Variants in ADIPOR1 observed in about 807,000 individuals in gnomAD.
ADIPOR1 encodes the protein adiponectin receptor 1.
ADIPOR1 carries 15 observed loss-of-function variants against 37.5 expected under a neutral mutation model. That is an observed-to-expected ratio of 0.40 (90% confidence interval 0.27 to 0.62). ADIPOR1 has a LOEUF of 0.62. Ranked by LOEUF, ADIPOR1 falls within the 20% of genes least tolerant of loss-of-function variation. The pLI, the probability that ADIPOR1 is intolerant of heterozygous loss-of-function variation, is 0.42. For synonymous variants in ADIPOR1, 173 were observed against 173.2 expected, an observed-to-expected ratio of 1.00 and a Z score of 0.01; for missense variants, 286 against 478.0, an observed-to-expected ratio of 0.60 and a Z score of 3.75.
At position 202,945,120 on chromosome 1, in the gene ADIPOR1, AT is replaced by A. The variant is rs1654255233; in HGVS notation, c.479del (p.Asn160IlefsTer56). 1 of 1,613,914 alleles carries A rather than the reference AT, an allele frequency of 6.2e-7. No homozygotes were observed. Among genetic ancestry groups the A allele is most frequent in the Admixed American group, 1.7e-5 (1 of 59,986 alleles). The part of the protein sequence containing the change: ...FLGILTMLRP[N>X]MYFMAPLQEK... ...CCTGTAGAGGGGCCATGAAGTACAT[AT>A]TTGGTCTGAGCATGGTCAAGATTCC... is the stretch of plus-strand genomic sequence containing the variant. On this transcript the variant is annotated frameshift_variant, in exon 5 of 8. Transcript: ENST00000340990. LOFTEE classifies it high-confidence loss of function.
At chr1:202,944,783 G>T in intron 5 of ADIPOR1, 200 bp downstream of exon 5, 1 of 444,050 alleles carries the variant, frequency 2.3e-6, no homozygotes, top group Non-Finnish European at 4.0e-6. Context: ...ATCTGTTGAA[G>T]AGGATGCAGT....
rs1654121055 is a variant in ADIPOR1 at position 202,942,232 on chromosome 1, A to G, written c.806-14T>C. On this transcript the variant is annotated splice_polypyrimidine_tract_variant and intron_variant, in intron 6 of 7. Coordinates refer to ENST00000340990, the MANE Select transcript of ADIPOR1 (RefSeq NM_015999.6). Reference sequence around the variant, plus strand: ...CCAGGAACACGCCTGAACAGAACAGACATAAGACTGTCAAACAAGGAAACA... The same window carrying G: ...CCAGGAACACGCCTGAACAGAACAGGCATAAGACTGTCAAACAAGGAAACA... 5 of 1,582,208 alleles carry G rather than the reference A, an allele frequency of 3.2e-6. No homozygotes were observed. The highest frequency in any genetic ancestry group is 3.4e-6 in the Non-Finnish European group (4 of 1,161,482).
intron 6 of ADIPOR1, 32 bp downstream of exon 6, chr1:202,943,726 C>A (rs768820014): frequency 1.9e-6 from 3 of 1,607,792 alleles, no homozygotes; most frequent in Non-Finnish European, 2.5e-6. Flanking sequence ...GGTCTAAATA[C>A]CTCTGAGGTG....
At chr1:202,949,212 G>A (rs1056106184) in intron 2 of ADIPOR1, among the ~76,000 whole-genome samples, 2 of 152,168 alleles carry the variant, frequency 1.3e-5, no homozygotes, top group South Asian at 2.1e-4. Flanking sequence ...TGTATCTACA[G>A]CAGCTCCCAG....
In ADIPOR1 at chr1:202,946,547, C is replaced by T. The variant is rs749789403; in HGVS notation, c.322G>A (p.Asp108Asn). The change falls in exon 4 of 8, where the codon GAC becomes AAC. Residue 108 changes from aspartate to asparagine, a missense_variant. Asp to Asn is a conservative substitution (Grantham distance 23, BLOSUM62 1). Transcript: ENST00000340990. ...DVLPDWLKDN[D>N]YLLHGHRPPM... ...GGTCTATGACCATGTAGCAGATAGT[C>T]GTTGTCCTTTAGCCAGTCAGGGAGC... The T allele has an allele frequency of 2.5e-6, 4 of 1,614,018 alleles. No individual in the cohort carries two copies. The highest frequency in any genetic ancestry group is 1.1e-5 in the South Asian group (1 of 91,074).
chr1:202,951,569 T>C (rs190816940), intron 1 of ADIPOR1, among the ~76,000 whole-genome samples: 2 of 152,318 alleles, frequency 1.3e-5, no homozygotes, highest in East Asian at 1.9e-4. Context: ...AATAAAAATA[T>C]AAAGCCAACA....
At chr1:202,955,400 T>C (rs1571571070) in intron 1 of ADIPOR1, among the ~76,000 whole-genome samples, 1 of 54,424 alleles carries the variant, frequency 1.8e-5, no homozygotes. Context: ...GCTAATTTTA[T>C]TTTTTTGTAG....
chr1:202,947,234 CAA>C (rs1180406957), intron 3 of ADIPOR1, among the ~76,000 whole-genome samples: 1 of 151,688 alleles, frequency 6.6e-6, no homozygotes, highest in East Asian at 2.0e-4. Flanking sequence ...AAATATGGTC[CAA>C]CCAGGCTGGG....
chr1:202,941,678 A>G lies in ADIPOR1; in HGVS notation c.1023T>C (p.His341=). The G allele has an allele frequency of 6.2e-7, 1 of 1,614,166 alleles. No homozygotes were observed. Among genetic ancestry groups the G allele is most frequent in the Non-Finnish European group, 8.5e-7 (1 of 1,180,012 alleles). ...CAAAGGCTGCTGCCACCACCAGGAC[A>G]TGGAAAATCTGATGAGACTGGAACT... ...DIWFQSHQIF[H]VLVVAAAFVH... is the part of the protein sequence containing the mutation. The change falls in exon 8 of 8, where the codon CAT becomes CAC. Residue 341 remains histidine, a synonymous_variant. Coordinates refer to ENST00000340990, the MANE Select transcript of ADIPOR1 (RefSeq NM_015999.6).
At chr1:202,941,806 T>G (rs1225299002) in intron 7 of ADIPOR1, 105 bp from the exon 8 acceptor site, 1 of 1,419,670 alleles carries the variant, frequency 7.0e-7, no homozygotes, top group Non-Finnish European at 9.5e-7. Context: ...ATTAAACAAA[T>G]TTGTTAATAA....
chr1:202,951,248 T>G, intron 1 of ADIPOR1, 84 bp from the exon 2 acceptor site: 1 of 685,096 alleles, frequency 1.5e-6, no homozygotes, highest in South Asian at 2.2e-5. Flanking sequence ...AATAAGAAGC[T>G]AATCAACTCA....
chr1:202,956,740 T>C lies in ADIPOR1; in HGVS notation c.-95+1445A>G, dbSNP rs978372047. The stretch of plus-strand genomic sequence containing the variant: ...TCCCCAGGGCAGTAAACAATTCATT[T>C]TTCCATAGAGTCCTGGAAAGGTAAA... On this transcript the variant is annotated intron_variant, in intron 1 of 7. Transcript: ENST00000340990. 2.2e-4 allele frequency among the ~76,000 whole-genome samples: 33 copies of C among 152,342 alleles called. No individual in the cohort carries two copies. In the South Asian group the frequency reaches 5.0e-3, roughly 23 times the overall value.
At position 202,950,953 on chromosome 1, in the gene ADIPOR1, G is replaced by T; in HGVS notation, c.118C>A (p.Arg40=). 2 of 1,614,144 alleles carry T rather than the reference G, an allele frequency of 1.2e-6. No homozygotes were observed. The highest frequency in any genetic ancestry group is 1.7e-6 in the Non-Finnish European group (2 of 1,180,024). ...ACTTTGGGTGGGTTGGCGATTACCC[G>T]TTTGCCCTTCTCTTCTAGCAGGGGT... is the stretch of plus-strand genomic sequence containing the variant. ...LGPLLEEKGK[R]VIANPPKAEE... is the part of the protein sequence containing the mutation. The change falls in exon 2 of 8, where the codon CGG becomes AGG. Residue 40 remains arginine (R), a synonymous_variant. Coordinates refer to ENST00000340990, the MANE Select transcript of ADIPOR1 (RefSeq NM_015999.6).
Position 202,941,512 on chromosome 1 carries a change from C to A in ADIPOR1, c.*61G>T. The A allele has an allele frequency of 6.4e-7, 1 of 1,557,252 alleles. No homozygotes were observed. Among genetic ancestry groups the A allele is most frequent in the Admixed American group, 2.0e-5 (1 of 49,000 alleles). ...ACTCAGACTCTTCCTCTCACTTCAG[C>A]AAAGAAGTTATTTTTAAAAGCACTT... is the stretch of plus-strand genomic sequence containing the variant. On this transcript the variant is annotated 3_prime_UTR_variant, in exon 8 of 8. Transcript: ENST00000340990.
Position 202,942,235 on chromosome 1 carries a change from TAA to T in ADIPOR1, c.806-19_806-18del. The stretch of plus-strand genomic sequence containing the variant: ...GGAACACGCCTGAACAGAACAGACA[TAA>T]GACTGTCAAACAAGGAAACAGCCAC... On this transcript the variant is annotated intron_variant, in intron 6 of 7. Transcript: ENST00000340990. 1 of 1,580,900 alleles carries T rather than the reference TAA, an allele frequency of 6.3e-7. No individual in the cohort carries two copies. Among genetic ancestry groups the T allele is most frequent in the Non-Finnish European group, 8.6e-7 (1 of 1,160,554 alleles).
intron 1 of ADIPOR1, among the ~76,000 whole-genome samples, chr1:202,952,420 T>C (rs1028408010): frequency 3.3e-5 from 5 of 152,346 alleles, no homozygotes; most frequent in East Asian, 1.9e-4. Context: ...GGAGACACTA[T>C]ATCATCCATG....
At position 202,958,282 on chromosome 1, in the gene ADIPOR1, C is replaced by T. The variant is rs1225542115; in HGVS notation, c.-192G>A. 2 of 152,250 alleles carry T rather than the reference C, an allele frequency of 1.3e-5. No individual in the cohort carries two copies. Among genetic ancestry groups the T allele is most frequent in the African/African-American group, 4.8e-5 (2 of 41,458 alleles). The allele number at this position is 152,250 out of a possible 1,614,324, so 9.4% of individuals were successfully genotyped here. ...GGCCGAGCGGCCCCGATCTTCAGCG[C>T]CCTCCCCGCGCCGGAAGGGGCGCGC... On this transcript the variant is annotated 5_prime_UTR_variant, in exon 1 of 8. Transcript: ENST00000340990.
intron 2 of ADIPOR1, among the ~76,000 whole-genome samples, chr1:202,949,593 A>AAAAAAAAAAAAAAAAAAAC (rs1332418254): frequency 1.4e-5 from 2 of 138,334 alleles, no homozygotes. Context: ...AAAAAAAAAA[A>AAAAAAAAAAAAAAAAAAAC]AAAACACACC....
intron 6 of ADIPOR1, among the ~76,000 whole-genome samples, chr1:202,942,871 CTT>C (rs10682231): frequency 3.4e-5 from 4 of 116,808 alleles, no homozygotes; most frequent in Admixed American, 9.6e-5. Flanking sequence ...TTCTTTCTTT[CTT>C]TTTTTTTTTT....
Sources: gnomAD v4.1 joint callset for allele counts (sites outside exome capture counted in the v4.1 genomes callset) on GRCh38, gnomAD v4.1.1 for gene constraint, MANE v1.5 for transcripts, NCBI Gene and HGNC (gene_info 2026-07-23, HGNC 2026-07-21) for gene names.